CNTLN: variants seen among roughly 807,000 people sequenced by gnomAD.
The protein encoded by CNTLN is centlein.
In CNTLN, 212 loss-of-function variants were observed where a neutral mutation model predicts 180.0. The ratio of observed to expected loss-of-function variants is 1.18; its 90% CI spans 1.05 to 1.32. CNTLN has a LOEUF of 1.32. CNTLN is among the 40% of genes most tolerant of loss of function. The pLI, the probability that CNTLN is intolerant of heterozygous loss-of-function variation, is 0.00. For synonymous variants in CNTLN, 722 were observed against 563.1 expected (o/e 1.28, Z -3.99); for missense variants, 2,095 against 1,610.9 (o/e 1.30, Z -5.14).
intron 14 of CNTLN, among the ~76,000 whole-genome samples, chr9:17,390,570 T>G (rs1230787671): frequency 6.6e-6 from 1 of 152,132 alleles, no homozygotes; most frequent in African/African-American, 2.4e-5. Context: ...TTTGGTATAT[T>G]ATTTTAAATG....
At chr9:17,240,941 C>T (rs1391514371) in intron 5 of CNTLN, among the ~76,000 whole-genome samples, 1 of 152,116 alleles carries the variant, frequency 6.6e-6, no homozygotes, top group Non-Finnish European at 1.5e-5. Context: ...TCACTGCAAG[C>T]TCTGCCTCCC....
chr9:17,368,352 C>G (rs979695635), intron 13 of CNTLN, among the ~76,000 whole-genome samples: 3 of 152,116 alleles, frequency 2.0e-5, no homozygotes, highest in African/African-American at 7.2e-5. Context: ...AGGTGGATTT[C>G]TAAGGTTTTT....
intron 8 of CNTLN, among the ~76,000 whole-genome samples, chr9:17,329,918 G>A (rs1304896767): frequency 6.6e-6 from 1 of 151,844 alleles, no homozygotes; most frequent in East Asian, 1.9e-4. Context: ...TTTTGTAAAT[G>A]TAGTTGTTAA....
chr9:17,227,994 T>G (rs956986427), intron 3 of CNTLN, among the ~76,000 whole-genome samples: 1 of 152,078 alleles, frequency 6.6e-6, no homozygotes, highest in Non-Finnish European at 1.5e-5. Flanking sequence ...GCAGACATCA[T>G]TTGTATTTAC....
intron 12 of CNTLN, among the ~76,000 whole-genome samples, chr9:17,355,837 G>T (rs1356245554): frequency 6.6e-6 from 1 of 152,082 alleles, no homozygotes; most frequent in Non-Finnish European, 1.5e-5. Context: ...GGCTGAGGCG[G>T]GTGGATCACG....
intron 23 of CNTLN, among the ~76,000 whole-genome samples, chr9:17,483,441 C>T (rs1422342769): frequency 2.0e-5 from 3 of 152,140 alleles, no homozygotes; most frequent in Non-Finnish European, 4.4e-5. Context: ...ACCCTTTGAT[C>T]CAGCAGTTTC....
At chr9:17,383,497 C>A (rs1825428285) in intron 13 of CNTLN, among the ~76,000 whole-genome samples, 1 of 151,086 alleles carries the variant, frequency 6.6e-6, no homozygotes, top group Admixed American at 6.6e-5. Context: ...CTGGGTGATA[C>A]AGCAGGACCC....
intron 24 of CNTLN, among the ~76,000 whole-genome samples, chr9:17,486,623 A>G (rs1021944994): frequency 6.6e-6 from 1 of 152,088 alleles, no homozygotes; most frequent in Non-Finnish European, 1.5e-5. Flanking sequence ...ATTTTGGAAT[A>G]TTAGGTTTTG....
chr9:17,171,773 C>T (rs1176315303), intron 2 of CNTLN, among the ~76,000 whole-genome samples: 4 of 151,992 alleles, frequency 2.6e-5, no homozygotes, highest in Non-Finnish European at 5.9e-5. Flanking sequence ...AGTATGGGTG[C>T]TCGTGGAATA....
intron 18 of CNTLN, among the ~76,000 whole-genome samples, chr9:17,421,166 C>T (rs1828695014): frequency 6.6e-6 from 1 of 152,100 alleles, no homozygotes; most frequent in Admixed American, 6.6e-5. Flanking sequence ...GTATTGAGAT[C>T]TCCAGCTATT....
intron 2 of CNTLN, among the ~76,000 whole-genome samples, chr9:17,147,764 G>T (rs1333841678): frequency 6.6e-5 from 10 of 152,140 alleles, no homozygotes; most frequent in Non-Finnish European, 1.3e-4. Context: ...TTTAGATATA[G>T]CATATTTGTA....
At chr9:17,246,313 C>A (rs1825793590) in intron 5 of CNTLN, among the ~76,000 whole-genome samples, 1 of 152,134 alleles carries the variant, frequency 6.6e-6, no homozygotes, top group South Asian at 2.1e-4. Context: ...GAAATACTGC[C>A]TTGGTGGTCT....
chr9:17,297,508 C>G (rs1021069775), intron 6 of CNTLN, among the ~76,000 whole-genome samples: 1 of 152,182 alleles, frequency 6.6e-6, no homozygotes, highest in African/African-American at 2.4e-5. Context: ...AAACCTCTAT[C>G]TCAAAGGTGT....
intron 12 of CNTLN, among the ~76,000 whole-genome samples, chr9:17,351,387 A>G (rs1230320391): frequency 6.6e-6 from 1 of 152,176 alleles, no homozygotes; most frequent in Non-Finnish European, 1.5e-5. Flanking sequence ...AAGTATATCC[A>G]AATGTCTACA....
At chr9:17,212,420 G>C (rs1203361134) in intron 2 of CNTLN, among the ~76,000 whole-genome samples, 1 of 152,188 alleles carries the variant, frequency 6.6e-6, no homozygotes, top group Non-Finnish European at 1.5e-5. Context: ...TGATCATGGT[G>C]GATAAGCTTT....
intron 2 of CNTLN, among the ~76,000 whole-genome samples, chr9:17,209,839 A>G (rs1394619314): frequency 6.6e-6 from 1 of 152,192 alleles, no homozygotes; most frequent in Non-Finnish European, 1.5e-5. Context: ...ATTTTAAAAC[A>G]TATTCATAGG....
intron 8 of CNTLN, among the ~76,000 whole-genome samples, chr9:17,319,342 G>A (rs1819751979): frequency 6.6e-6 from 1 of 152,170 alleles, no homozygotes; most frequent in South Asian, 2.1e-4. Context: ...TTTCTGTCAT[G>A]TTCCAGGTCA....
chr9:17,334,004 C>G (rs779510559), intron 10 of CNTLN, among the ~76,000 whole-genome samples: 2 of 152,128 alleles, frequency 1.3e-5, no homozygotes, highest in African/African-American at 2.4e-5. Flanking sequence ...TGGTTAGGCA[C>G]AGGATATTAT....
intron 13 of CNTLN, among the ~76,000 whole-genome samples, chr9:17,369,978 T>A: frequency 7.0e-6 from 1 of 142,652 alleles, no homozygotes. Context: ...AAAGCGAGAC[T>A]CCATCTCGAA....
Sources: gnomAD v4.1 joint callset for allele counts (sites outside exome capture counted in the v4.1 genomes callset) on GRCh38, gnomAD v4.1.1 for gene constraint, MANE v1.5 for transcripts, NCBI Gene and HGNC (gene_info 2026-07-23, HGNC 2026-07-21) for gene names.